NFAM1: variants seen among roughly 807,000 people sequenced by gnomAD.
The protein encoded by NFAM1 is NFAT activation molecule 1.
A neutral mutation model predicts 29.0 loss-of-function variants in NFAM1; 17 were observed. The ratio of observed to expected loss-of-function variants is 0.59; its 90% CI spans 0.40 to 0.88. The LOEUF is 0.88. NFAM1 is among the 40% of genes least tolerant of loss of function. The pLI, the probability that NFAM1 is intolerant of heterozygous loss-of-function variation, is 0.00. For missense variants in NFAM1, 324 were observed against 344.6 expected, an observed-to-expected ratio of 0.94 and a Z score of 0.47; for synonymous variants, 175 against 147.2, an observed-to-expected ratio of 1.19 and a Z score of -1.36.
At chr22:42,399,749 C>T (rs763224366) in intron 3 of NFAM1, among the ~76,000 whole-genome samples, 55 of 152,166 alleles carry the variant, frequency 3.6e-4, no homozygotes, top group Non-Finnish European at 5.4e-4. Context: ...GACATCCCCC[C>T]TCATTGCAGG....
In NFAM1 at chr22:42,388,442, C is replaced by A. The variant is rs1227466426; in HGVS notation, c.664-1364G>T. 6.6e-6 allele frequency among the ~76,000 whole-genome samples: 1 copy of A among 152,188 alleles called. No homozygotes were observed. The highest frequency in any genetic ancestry group is 2.4e-5 in the African/African-American group (1 of 41,442). ...CCCCTCTCTGGGATCACAGACCAGACCCTCCCTCAGAACCTGTTGGACTCC... is the reference window on the plus strand; with the variant it reads ...CCCCTCTCTGGGATCACAGACCAGAACCTCCCTCAGAACCTGTTGGACTCC... On this transcript the variant is annotated intron_variant, in intron 4 of 5. Transcript: ENST00000329021. This position sits in a 1 kb window ranked among gnomAD's most constrained non-coding sequence, Gnocchi z 4.1.
At chr22:42,436,420 C>G (rs1328938946), upstream of NFAM1, among the ~76,000 whole-genome samples, 1 of 152,186 alleles carries the variant, frequency 6.6e-6, no homozygotes, top group East Asian at 1.9e-4. Flanking sequence ...TCCACCCTCT[C>G]TCTCAAACAC....
intron 3 of NFAM1, among the ~76,000 whole-genome samples, chr22:42,404,567 G>A (rs1211205802): frequency 6.6e-6 from 1 of 152,098 alleles, no homozygotes; most frequent in African/African-American, 2.4e-5. Flanking sequence ...GAGGGTGTGT[G>A]GGCAGCAGAA....
rs776900366 is a variant in NFAM1, at chr22:42,432,321, C to A, written c.37G>T (p.Gly13Cys). 1 of 1,577,014 alleles carries A rather than the reference C, an allele frequency of 6.3e-7. No individual in the cohort carries two copies. Among genetic ancestry groups the A allele is most frequent in the South Asian group, 1.2e-5 (1 of 86,336 alleles). Reference protein sequence around the residue: ...NQPVRWRALPGLPRPPGLPAA... With the variant: ...NQPVRWRALPCLPRPPGLPAA... ...GGGAGCCCAGGAGGGCGTGGGAGGCCTGGCAGGGCCCGCCACCTCACAGGC... is the reference window on the plus strand; with the variant it reads ...GGGAGCCCAGGAGGGCGTGGGAGGCATGGCAGGGCCCGCCACCTCACAGGC... Residue 13 changes from glycine (G) to cysteine (C), a missense_variant, in exon 1 of 6, where the codon GGC (glycine) becomes TGC (cysteine). By Grantham distance (159) the Gly-to-Cys change is radical. Coordinates refer to ENST00000329021, the MANE Select transcript of NFAM1 (RefSeq NM_145912.8).
At chr22:42,395,173 C>CAA (rs57832859) in intron 4 of NFAM1, among the ~76,000 whole-genome samples, 2,415 of 135,832 alleles carry the variant, frequency 0.018, 62 homozygotes, top group African/African-American at 0.06. Context: ...GACCCTGTCT[C>CAA]AAAAAAAAAA....
At chr22:42,395,623 C>T (rs1048158246) in intron 4 of NFAM1, among the ~76,000 whole-genome samples, 13 of 151,856 alleles carry the variant, frequency 8.6e-5, no homozygotes, top group African/African-American at 3.1e-4. Context: ...TGGCTCACAC[C>T]TGTAATCCCA....
At chr22:42,411,310 C>A in intron 2 of NFAM1, 97 bp downstream of exon 2, 1 of 961,126 alleles carries the variant, frequency 1.0e-6, no homozygotes, top group Non-Finnish European at 1.6e-6. Context: ...TGAGCCACTG[C>A]GCCTGGCCCC....
chr22:42,418,040 C>T (rs1930319096), intron 1 of NFAM1, among the ~76,000 whole-genome samples: 1 of 152,318 alleles, frequency 6.6e-6, no homozygotes, highest in African/African-American at 2.4e-5. Flanking sequence ...GGTGACACAC[C>T]CTCCATCCCT....
intron 1 of NFAM1, among the ~76,000 whole-genome samples, chr22:42,415,911 C>A (rs772363555): frequency 6.6e-6 from 1 of 152,204 alleles, no homozygotes; most frequent in South Asian, 2.1e-4. Context: ...CCTGCCGTGG[C>A]AACATCCCCA....
At chr22:42,432,493 C>G (rs1569238734), upstream of NFAM1, 2 of 1,298,012 alleles carry the variant, frequency 1.5e-6, no homozygotes, top group Non-Finnish European at 2.0e-6. Context: ...AAAGCTGGAA[C>G]AGCCCAGCAG....
intron 1 of NFAM1, among the ~76,000 whole-genome samples, chr22:42,430,553 T>G (rs1181151987): frequency 1.4e-5 from 1 of 73,882 alleles, no homozygotes; most frequent in Non-Finnish European, 2.2e-5. Context: ...AGAGTGAAAC[T>G]CTCAAAAAAA....
intron 1 of NFAM1, among the ~76,000 whole-genome samples, chr22:42,416,185 G>A (rs1034681589): frequency 6.6e-6 from 1 of 152,200 alleles, no homozygotes; most frequent in Non-Finnish European, 1.5e-5. Flanking sequence ...TCTGGAGCGG[G>A]TCTAGCTAGG....
intron 1 of NFAM1, among the ~76,000 whole-genome samples, chr22:42,429,609 C>T (rs1043424955): frequency 6.6e-6 from 1 of 152,262 alleles, no homozygotes; most frequent in South Asian, 2.1e-4. Context: ...GAGCGAGACT[C>T]CGTCTCAAAA....
At chr22:42,395,483 AAAT>A (rs1444861742) in intron 4 of NFAM1, among the ~76,000 whole-genome samples, 2 of 151,552 alleles carry the variant, frequency 1.3e-5, no homozygotes, top group African/African-American at 4.8e-5. Context: ...TCTCAAAAAA[AAAT>A]AATAATAAAT....
intron 3 of NFAM1, among the ~76,000 whole-genome samples, chr22:42,408,415 C>T (rs1444041391): frequency 1.3e-5 from 2 of 152,066 alleles, no homozygotes; most frequent in Admixed American, 6.5e-5. Context: ...AGTGTTCACG[C>T]CTCACACCCA....
At chr22:42,432,500 G>T, upstream of NFAM1, 2 of 1,230,620 alleles carry the variant, frequency 1.6e-6, no homozygotes, top group Non-Finnish European at 2.2e-6. Flanking sequence ...GAACAGCCCA[G>T]CAGGGTGGCC....
chr22:42,418,044 C>T (rs1037020436), intron 1 of NFAM1, among the ~76,000 whole-genome samples: 10 of 152,224 alleles, frequency 6.6e-5, no homozygotes, highest in Non-Finnish European at 1.3e-4. Context: ...ACACACCCTC[C>T]ATCCCTCACT....
At chr22:42,397,443 G>T (rs376668717) in intron 4 of NFAM1, among the ~76,000 whole-genome samples, 3 of 152,142 alleles carry the variant, frequency 2.0e-5, no homozygotes, top group Admixed American at 2.0e-4. Context: ...TGTTAAGGGC[G>T]TGGGATGGCG....
At chr22:42,423,558 T>TAAATAAATAAATAAAC (rs1930518703) in intron 1 of NFAM1, among the ~76,000 whole-genome samples, 1 of 151,844 alleles carries the variant, frequency 6.6e-6, no homozygotes, top group African/African-American at 2.4e-5. Flanking sequence ...CTGAAATAAA[T>TAAATAAATAAATAAAC]AAATAAATAA....
Sources: allele counts gnomAD v4.1 joint callset (sites outside exome capture counted in the v4.1 genomes callset), GRCh38; gene constraint gnomAD v4.1.1; non-coding constraint Gnocchi (gnomAD v3.1); transcripts MANE v1.5; gene names NCBI Gene and HGNC (gene_info 2026-07-23, HGNC 2026-07-21).